AGFG2: variants seen among roughly 807,000 people sequenced by gnomAD.
AGFG2 encodes the protein arf-GAP domain and FG repeat-containing protein 2.
AGFG2 carries 31 observed loss-of-function variants against 48.0 expected under a neutral mutation model. The ratio of observed to expected loss-of-function variants is 0.65; its 90% CI spans 0.49 to 0.87. AGFG2 has a LOEUF of 0.87. AGFG2 is among the 40% of genes least tolerant of loss of function. The probability of loss-of-function intolerance (pLI) is 0.00; values close to 1 mark genes in which losing one functional copy is unlikely to be tolerated. For synonymous variants in AGFG2, 229 were observed against 260.8 expected (o/e 0.88, Z 1.18); for missense variants, 599 against 632.6 (o/e 0.95, Z 0.57).
chr7:100,551,062 A>T lies in AGFG2; in HGVS notation c.431+551A>T, dbSNP rs1303475632. Among the ~76,000 whole-genome samples, 123 of 73,890 alleles carry T rather than the reference A, an allele frequency of 1.7e-3. 5 individuals are homozygous for T. The highest frequency in any genetic ancestry group is 6.8e-3 in the African/African-American group (120 of 17,658). The allele number at this position is 73,890 out of a possible 152,430, so 48.5% of individuals were successfully genotyped here. A position where few individuals can be genotyped will look rare whatever the true frequency, so the allele number is the denominator to read the frequency against. The stretch of plus-strand genomic sequence containing the variant: ...TATATATATATATATATATATATAT[A>T]TATATTTCTTTTTTTTTTTTTTTTT... On this transcript the variant is annotated intron_variant, in intron 3 of 11. Coordinates refer to ENST00000300176, the MANE Select transcript of AGFG2 (RefSeq NM_006076.5).
intron 1 of AGFG2, among the ~76,000 whole-genome samples, chr7:100,540,717 TA>T (rs1800406852): frequency 6.6e-6 from 1 of 152,138 alleles, no homozygotes; most frequent in Non-Finnish European, 1.5e-5. Flanking sequence ...TTTTGTTTTT[TA>T]AAAAATGCTT....
At chr7:100,548,704 T>G in intron 1 of AGFG2, 118 bp from the exon 2 acceptor site, 1 of 695,272 alleles carries the variant, frequency 1.4e-6, no homozygotes. Context: ...GGGGGTTCTA[T>G]CTGAGCTTAG....
chr7:100,555,263 GTTTTTTTTTTT>G (rs1166680394), intron 5 of AGFG2, among the ~76,000 whole-genome samples: 1 of 75,148 alleles, frequency 1.3e-5, no homozygotes, highest in Non-Finnish European at 2.5e-5. Flanking sequence ...TGTGTGTGTG[GTTTTTTTTTTT>G]TTTTTTTTTT....
chr7:100,561,889 T>C (rs1304835086), intron 6 of AGFG2, among the ~76,000 whole-genome samples: 1 of 152,018 alleles, frequency 6.6e-6, no homozygotes, highest in Non-Finnish European at 1.5e-5. Flanking sequence ...TTCTGATAAA[T>C]GGAAATGCGG....
chr7:100,564,994 CTG>C lies in AGFG2; in HGVS notation c.*7_*8del, dbSNP rs762121621. On this transcript the variant is annotated 3_prime_UTR_variant, in exon 12 of 12. Transcript: ENST00000300176. ...CAACCACCAACCCCTTCTTGTAGCA[CTG>C]TGTTTTTGGGGGGCCTCTTCCCTGC... is the stretch of plus-strand genomic sequence containing the variant. 209 of 1,614,064 alleles carry C rather than the reference CTG, an allele frequency of 1.3e-4. 2 individuals carry two copies. The South Asian group carries it at 1.6e-3, about 12-fold the overall frequency.
In AGFG2 at chr7:100,562,396, G is replaced by A. The variant is rs1370734209; in HGVS notation, c.998+17G>A. 1.2e-6 allele frequency: 2 copies of A among 1,612,902 alleles called. No individual in the cohort carries two copies. The highest frequency in any genetic ancestry group is 1.7e-5 in the Admixed American group (1 of 59,978). The stretch of plus-strand genomic sequence containing the variant: ...TCCTAGCAGGTAGGTACAGACAGTG[G>A]GCAGTCTGCTGTAGGGCAGGAGAGC... On this transcript the variant is annotated intron_variant, in intron 7 of 11. Coordinates refer to ENST00000300176, the MANE Select transcript of AGFG2 (RefSeq NM_006076.5). This position sits in a 1 kb window ranked among gnomAD's most constrained non-coding sequence, Gnocchi z 5.4.
In AGFG2 at chr7:100,548,844, C is replaced by T. The variant is rs145072514; in HGVS notation, c.244C>T (p.Arg82Cys). The T allele has an allele frequency of 1.3e-4, 208 of 1,613,488 alleles. No individual in the cohort carries two copies. In the African/African-American group the frequency reaches 2.5e-3, roughly 19 times the overall value. ...GLLRGLNPPHRVKSISMTTFT... is the reference protein window; with the variant it reads ...GLLRGLNPPHCVKSISMTTFT... ...TAGGAGAGGGCTGAACCCCCCTCAT[C>T]GTGTCAAGTCAATCTCCATGACAAC... is the stretch of plus-strand genomic sequence containing the variant. Residue 82 changes from arginine to cysteine, a missense_variant, in exon 2 of 12, where the codon CGT becomes TGT. Coordinates refer to ENST00000300176, the MANE Select transcript of AGFG2 (RefSeq NM_006076.5).
At chr7:100,539,652 G>A (rs1279349643) in intron 1 of AGFG2, 85 bp downstream of exon 1, 11 of 1,087,980 alleles carry the variant, frequency 1.0e-5, no homozygotes, top group African/African-American at 1.6e-5. Context: ...GGGCGCGAGG[G>A]AAGGGGGCCG....
intron 9 of AGFG2, 59 bp from the exon 10 acceptor site, chr7:100,563,775 A>G: frequency 1.3e-6 from 2 of 1,599,460 alleles, no homozygotes; most frequent in Non-Finnish European, 1.7e-6. Context: ...CTTAGGAAAA[A>G]CAGTTCTCCA....
At position 100,562,233 on chromosome 7, in the gene AGFG2, C is replaced by T. The variant is rs776175016; in HGVS notation, c.878-26C>T. On this transcript the variant is annotated intron_variant, in intron 6 of 11. Transcript: ENST00000300176. This position sits in a 1 kb window ranked among gnomAD's most constrained non-coding sequence, Gnocchi z 5.4. ...CCGCCCTGTCTTACCTCAGCTCTCC[C>T]TGTTGTATTTTCCACAACTGCCCAG... The T allele has an allele frequency of 1.2e-5, 20 of 1,610,524 alleles. No individual in the cohort carries two copies. Among genetic ancestry groups the T allele is most frequent in the African/African-American group, 2.7e-5 (2 of 74,876 alleles).
At position 100,567,282 on chromosome 7, in the gene AGFG2, G is replaced by A. The variant is rs1287572154; in HGVS notation, c.*2291G>A. The A allele has an allele frequency of 6.5e-6, 1 of 152,722 alleles. No homozygotes were observed. The highest frequency in any genetic ancestry group is 2.4e-5 in the African/African-American group (1 of 41,468). 9.5% of individuals were successfully genotyped at this position (152,722 alleles called of 1,614,324 possible). A position where few individuals can be genotyped will look rare whatever the true frequency, so the allele number is the denominator to read the frequency against. On this transcript the variant is annotated 3_prime_UTR_variant, in exon 12 of 12. Coordinates refer to ENST00000300176, the MANE Select transcript of AGFG2 (RefSeq NM_006076.5). ...TCCAGTGAGCCGCCTCTCCTGGAGA[G>A]TAGCAAAGAATGGAGAAAGGCCTGG...
Position 100,565,338 on chromosome 7 carries a change from G to C in AGFG2, c.*347G>C. 1 of 323,664 alleles carries C rather than the reference G, an allele frequency of 3.1e-6. No homozygotes were observed. Among genetic ancestry groups the C allele is most frequent in the Non-Finnish European group, 5.8e-6 (1 of 171,486 alleles). The allele number at this position is 323,664 out of a possible 1,614,324, so 20.0% of individuals were successfully genotyped here. ...CGCCAGCGCTGTGCTCCTCATGGACGGGAGCGCAGTGGGGAAGGTAGGGGA... is the reference window on the plus strand; with the variant it reads ...CGCCAGCGCTGTGCTCCTCATGGACCGGAGCGCAGTGGGGAAGGTAGGGGA... On this transcript the variant is annotated 3_prime_UTR_variant, in exon 12 of 12. Transcript: ENST00000300176.
intron 1 of AGFG2, among the ~76,000 whole-genome samples, chr7:100,541,914 T>C (rs944242819): frequency 1.3e-5 from 2 of 152,202 alleles, no homozygotes; most frequent in Non-Finnish European, 2.9e-5. Context: ...CATTATTTTG[T>C]AGATCTTTGT....
Position 100,562,836 on chromosome 7 carries a change from C to T in AGFG2, c.1088-27C>T, listed in dbSNP as rs376263859. On this transcript the variant is annotated intron_variant, in intron 8 of 11. Transcript: ENST00000300176. The surrounding 1 kb of genome is among the most constrained non-coding windows in gnomAD (Gnocchi z 5.4). The stretch of plus-strand genomic sequence containing the variant: ...AAAAAAGTAACCATCTCTCTCTTTC[C>T]TGCCGCTCCCCATTCCACCTGGGCA... The T allele has an allele frequency of 6.2e-6, 10 of 1,612,170 alleles. No individual in the cohort carries two copies. The highest frequency in any genetic ancestry group is 1.7e-5 in the Admixed American group (1 of 59,974).
intron 6 of AGFG2, chr7:100,555,955 T>C (rs1222231367): frequency 1.3e-5 from 7 of 531,316 alleles, no homozygotes; most frequent in Non-Finnish European, 1.9e-5. Flanking sequence ...TGACTAAGAT[T>C]GCAGCAGGAG....
chr7:100,562,601 G>A lies in AGFG2; in HGVS notation c.1006G>A (p.Gly336Arg), dbSNP rs371963111. The change falls in exon 8 of 12, where the codon GGG becomes AGG. Residue 336 changes from glycine to arginine, a missense_variant. By Grantham distance (125) the Gly-to-Arg change is moderately radical (BLOSUM62 -2). Coordinates refer to ENST00000300176, the MANE Select transcript of AGFG2 (RefSeq NM_006076.5). This position sits in a 1 kb window ranked among gnomAD's most constrained non-coding sequence, Gnocchi z 5.4. ...PAAGVPSSLFGMAGQVPPLQS... is the reference protein window; with the variant it reads ...PAAGVPSSLFRMAGQVPPLQS... Reference sequence around the variant, plus strand: ...TCTCTCCCCGTGTTGTAGCCTCTTCGGGATGGCTGGCCAGGTCCCCCCGCT... The same window carrying A: ...TCTCTCCCCGTGTTGTAGCCTCTTCAGGATGGCTGGCCAGGTCCCCCCGCT... 37 of 1,613,124 alleles carry A rather than the reference G, an allele frequency of 2.3e-5. No homozygotes were observed. The highest frequency in any genetic ancestry group is 2.9e-5 in the Non-Finnish European group (34 of 1,179,926).
At chr7:100,556,199 TA>T in intron 6 of AGFG2, 1 of 205,780 alleles carries the variant, frequency 4.9e-6, no homozygotes, top group South Asian at 7.9e-5. Context: ...CCTGCAATCC[TA>T]ACACTTTGGG....
rs372863019 is a variant in AGFG2, at chr7:100,556,729, C to T, written c.877+994C>T. The T allele has an allele frequency of 2.6e-5, 25 of 972,972 alleles. No individual in the cohort carries two copies. In the South Asian group the frequency reaches 3.2e-4, roughly 13 times the overall value. 60.3% of individuals were successfully genotyped at this position (972,972 alleles called of 1,614,324 possible). ...AAATTTGGCCATTTGACAGATAAGG[C>T]AGTTAAGCAATTTCCCTAGTCATGC... is the stretch of plus-strand genomic sequence containing the variant. On this transcript the variant is annotated intron_variant, in intron 6 of 11. Transcript: ENST00000300176.
chr7:100,545,694 C>G (rs1218171531), intron 1 of AGFG2, among the ~76,000 whole-genome samples: 2 of 152,100 alleles, frequency 1.3e-5, no homozygotes, highest in Non-Finnish European at 2.9e-5. Flanking sequence ...TTGGGAGGAA[C>G]CTGAGAGTTA....
Sources: gnomAD v4.1 joint callset for allele counts (sites outside exome capture counted in the v4.1 genomes callset) on GRCh38, gnomAD v4.1.1 for gene constraint, Gnocchi (gnomAD v3.1) non-coding constraint, MANE v1.5 for transcripts, NCBI Gene and HGNC (gene_info 2026-07-23, HGNC 2026-07-21) for gene names.